Variants in RGS6 observed in about 807,000 individuals in gnomAD.
The protein encoded by RGS6 is regulator of G-protein signaling 6.
RGS6 carries 30 observed loss-of-function variants against 78.5 expected under a neutral mutation model. That is an observed-to-expected ratio of 0.38 (90% CI 0.29 to 0.52). The LOEUF (loss-of-function observed/expected upper bound fraction) is 0.52. Among genes scored for constraint, RGS6 ranks in the 20% least tolerant of loss-of-function variants. RGS6 has a pLI of 0.85. For missense variants in RGS6, 495 were observed against 609.7 expected, an observed-to-expected ratio of 0.81 and a Z score of 1.98; for synonymous variants, 206 against 206.0, an observed-to-expected ratio of 1.00 and a Z score of 0.00.
chr14:72,472,513 C>G (rs2096111710), intron 8 of RGS6, among the ~76,000 whole-genome samples: 1 of 152,166 alleles, frequency 6.6e-6, no homozygotes, highest in African/African-American at 2.4e-5. Flanking sequence ...ATGCAGTATC[C>G]TTTTTGATAA....
At chr14:72,245,848 C>T (rs1036458300) in intron 2 of RGS6, among the ~76,000 whole-genome samples, 4 of 152,040 alleles carry the variant, frequency 2.6e-5, no homozygotes, top group Non-Finnish European at 4.4e-5. Flanking sequence ...AAGTATGAGC[C>T]GAGGATAGTC....
At chr14:72,276,460 A>G (rs1341771342) in intron 2 of RGS6, among the ~76,000 whole-genome samples, 2 of 152,214 alleles carry the variant, frequency 1.3e-5, no homozygotes, top group Non-Finnish European at 2.9e-5. Flanking sequence ...ATATGGAGGT[A>G]GTTGGGAAAA....
the RGS6 span, among the ~76,000 whole-genome samples, chr14:71,879,490 G>T: frequency 6.6e-6 from 1 of 152,166 alleles, no homozygotes; most frequent in South Asian, 2.1e-4. Context: ...ATCTTGAATT[G>T]TAGCTCCCAT....
intron 2 of RGS6, among the ~76,000 whole-genome samples, chr14:72,130,008 C>G (rs1455379930): frequency 1.3e-5 from 2 of 152,130 alleles, no homozygotes; most frequent in Admixed American, 6.6e-5. Flanking sequence ...ACTTCAGATG[C>G]CAGCTGAAAG....
intron 3 of RGS6, among the ~76,000 whole-genome samples, chr14:72,389,800 C>A (rs1383739373): frequency 6.6e-6 from 1 of 152,168 alleles, no homozygotes; most frequent in Non-Finnish European, 1.5e-5. Flanking sequence ...AGCTTATTTT[C>A]GAGTTTGAAT....
chr14:72,251,881 A>G (rs2055879422), intron 2 of RGS6, among the ~76,000 whole-genome samples: 1 of 152,256 alleles, frequency 6.6e-6, no homozygotes, highest in Non-Finnish European at 1.5e-5. Context: ...AAAGAAAAGA[A>G]AAATGAATAA....
intron 2 of RGS6, among the ~76,000 whole-genome samples, chr14:72,015,633 G>A (rs926209633): frequency 2.6e-5 from 4 of 152,260 alleles, no homozygotes; most frequent in African/African-American, 4.8e-5. Flanking sequence ...AAATGGCTAG[G>A]TTCTAGAACG....
intron 2 of RGS6, among the ~76,000 whole-genome samples, chr14:72,041,915 G>A (rs4899423): frequency 0.12 from 17,698 of 151,704 alleles, 1,039 homozygotes; most frequent in East Asian, 0.17. Flanking sequence ...TGTATTGGGG[G>A]GTCAGTAGAT....
intron 15 of RGS6, among the ~76,000 whole-genome samples, chr14:72,526,913 T>C (rs2097127248): frequency 1.3e-5 from 2 of 152,252 alleles, no homozygotes; most frequent in South Asian, 2.1e-4. Flanking sequence ...TCATTTTCCC[T>C]AGGCTTCAGC....
chr14:72,463,487 A>T (rs2095831532), intron 6 of RGS6, among the ~76,000 whole-genome samples: 2 of 152,244 alleles, frequency 1.3e-5, no homozygotes, highest in Non-Finnish European at 2.9e-5. Flanking sequence ...CCTGTGACTC[A>T]TGGCCATCAG....
chr14:72,021,628 C>T (rs1364348035), intron 2 of RGS6, among the ~76,000 whole-genome samples: 1 of 151,358 alleles, frequency 6.6e-6, no homozygotes, highest in African/African-American at 2.4e-5. Flanking sequence ...GCCACCACAC[C>T]TGGCTTATTT....
Position 72,468,331 on chromosome 14 carries a change from G to A in RGS6, c.460-1676G>A, listed in dbSNP as rs191919445. Among the ~76,000 whole-genome samples the A allele has an allele frequency of 3.3e-5, 5 of 150,906 alleles. 1 individual carries two copies. The highest frequency in any genetic ancestry group is 7.1e-3 in the Middle Eastern group (2 of 280). On this transcript the variant is annotated intron_variant, in intron 7 of 17. Transcript: ENST00000553525. The stretch of plus-strand genomic sequence containing the variant: ...GAGGCGGAGGTTGTGAGCCAAGATC[G>A]TGCCACTGCACTCCAGCCTGGGCAA...
At chr14:71,980,449 C>T (rs893613901) in intron 2 of RGS6, among the ~76,000 whole-genome samples, 7 of 146,986 alleles carry the variant, frequency 4.8e-5, no homozygotes, top group African/African-American at 1.8e-4. Context: ...TCTTTTAGGG[C>T]AGGCCTGGTG....
At chr14:71,880,600 C>T in the RGS6 span, among the ~76,000 whole-genome samples, 1 of 152,334 alleles carries the variant, frequency 6.6e-6, no homozygotes, top group South Asian at 2.1e-4. Context: ...GGTGTAAGCC[C>T]CAAGCCTTGG....
chr14:72,423,953 G>A (rs945495962), intron 3 of RGS6, among the ~76,000 whole-genome samples: 1 of 151,894 alleles, frequency 6.6e-6, no homozygotes, highest in African/African-American at 2.4e-5. Context: ...TTCATTCAGT[G>A]CCTGGCTGGG....
At chr14:72,349,606 G>A (rs2078739887) in intron 2 of RGS6, among the ~76,000 whole-genome samples, 1 of 152,142 alleles carries the variant, frequency 6.6e-6, no homozygotes, top group Non-Finnish European at 1.5e-5. Context: ...TGTTAGTTGA[G>A]GGGATTGTTT....
At chr14:71,966,832 G>A (rs1191140143) in intron 2 of RGS6, among the ~76,000 whole-genome samples, 1 of 152,070 alleles carries the variant, frequency 6.6e-6, no homozygotes, top group Non-Finnish European at 1.5e-5. Flanking sequence ...TGTTGGTGCT[G>A]TTAATAAGTT....
intron 2 of RGS6, among the ~76,000 whole-genome samples, 200 bp from the exon 3 acceptor site, chr14:72,351,895 A>G (rs1267683978): frequency 6.6e-6 from 1 of 152,158 alleles, no homozygotes; most frequent in Non-Finnish European, 1.5e-5. Context: ...TATGCTCTGT[A>G]TATAACCTTC....
chr14:72,388,236 A>G lies in RGS6; in HGVS notation c.184+36042A>G, dbSNP rs555228253. On this transcript the variant is annotated intron_variant, in intron 3 of 17. Coordinates refer to ENST00000553525, the MANE Select transcript of RGS6 (RefSeq NM_001204424.2). ...ATTTAAAGTATACATATGGGAAAACACACACACATACACATATATATATAC... is the reference window on the plus strand; with the variant it reads ...ATTTAAAGTATACATATGGGAAAACGCACACACATACACATATATATATAC... Among the ~76,000 whole-genome samples the G allele has an allele frequency of 2.0e-5, 3 of 151,732 alleles. No homozygotes were observed. In the East Asian group the frequency reaches 5.8e-4, roughly 30 times the overall value.
Sources: allele counts gnomAD v4.1 joint callset (sites outside exome capture counted in the v4.1 genomes callset), GRCh38; gene constraint gnomAD v4.1.1; transcripts MANE v1.5; gene names NCBI Gene and HGNC (gene_info 2026-07-23, HGNC 2026-07-21).